DPY19L4: variants seen among roughly 807,000 people sequenced by gnomAD.
The protein encoded by DPY19L4 is probable C-mannosyltransferase DPY19L4.
In DPY19L4, 97 loss-of-function variants were observed where a neutral mutation model predicts 102.8. The ratio of observed to expected loss-of-function variants is 0.94; its 90% CI spans 0.80 to 1.12. DPY19L4 has a LOEUF of 1.12. Among genes scored for constraint, DPY19L4 ranks in the 50% most tolerant of loss-of-function variants. The pLI, the probability that DPY19L4 is intolerant of heterozygous loss-of-function variation, is 0.00. For synonymous variants in DPY19L4, 252 were observed against 283.1 expected (o/e 0.89, Z 1.10); for missense variants, 815 against 850.4 (o/e 0.96, Z 0.52).
Position 94,777,742 on chromosome 8 carries a change from C to A in DPY19L4, c.1531C>A (p.Leu511Ile). ...ATGTTCTCCCGAACTTTGGATGACA[C>A]TTTTCAAGTGGCTTCGATTAAGAAC... ...GVCSPELWMT[L>I]FKWLRLRTVH... The change falls in exon 14 of 19, where the codon CTT (leucine) becomes ATT (isoleucine). Residue 511 changes from leucine (L) to isoleucine (I), a missense_variant. Physicochemically the swap from Leu to Ile is conservative, Grantham distance 5 (BLOSUM62 2). Transcript: ENST00000414645. 13 of 1,614,022 alleles carry A rather than the reference C, an allele frequency of 8.1e-6. No individual in the cohort carries two copies. Among genetic ancestry groups the A allele is most frequent in the African/African-American group, 1.3e-5 (1 of 75,002 alleles).
At chr8:94,729,112 TG>T (rs1810819429) in intron 2 of DPY19L4, among the ~76,000 whole-genome samples, 1 of 151,918 alleles carries the variant, frequency 6.6e-6, no homozygotes, top group Non-Finnish European at 1.5e-5. Flanking sequence ...GGCTTAAGCC[TG>T]TAATCCCAGC....
At chr8:94,751,118 CT>C (rs34341427) in intron 6 of DPY19L4, among the ~76,000 whole-genome samples, 20 of 116,948 alleles carry the variant, frequency 1.7e-4, no homozygotes, top group Non-Finnish European at 2.4e-4. Flanking sequence ...TCTTTTCTTT[CT>C]TTTCTTTTTT....
chr8:94,774,039 TA>T (rs79751438), intron 13 of DPY19L4, among the ~76,000 whole-genome samples: 23,404 of 102,776 alleles, frequency 0.23, 2,609 homozygotes, highest in African/African-American at 0.28. Flanking sequence ...TGTCTTTAGT[TA>T]AAAAAAAAAA....
chr8:94,789,619 G>C (rs1341736183), intron 18 of DPY19L4, 127 bp from the exon 19 acceptor site: 1 of 813,734 alleles, frequency 1.2e-6, no homozygotes, highest in Non-Finnish European at 1.8e-6. Flanking sequence ...CTAACAGTGA[G>C]ATGTTTTATA....
intron 11 of DPY19L4, 152 bp from the exon 12 acceptor site, chr8:94,768,243 T>C: frequency 1.8e-6 from 1 of 568,120 alleles, no homozygotes. Flanking sequence ...GATACTATTA[T>C]CTTCATTTAT....
chr8:94,776,983 T>C (rs1813214814), intron 13 of DPY19L4, among the ~76,000 whole-genome samples: 1 of 149,878 alleles, frequency 6.7e-6, no homozygotes, highest in Admixed American at 6.7e-5. Flanking sequence ...AAAAAAACCC[T>C]TGTATGTCTA....
chr8:94,726,441 C>T lies in DPY19L4; in HGVS notation c.127C>T (p.His43Tyr), dbSNP rs1302970588. The part of the protein sequence containing the change: ...DIPIPERAPK[H>Y]VLFQRFAKIF... Reference sequence around the variant, plus strand: ...TCCAATTCCTGAAAGAGCTCCAAAACGTAAGTTAGATAGACTTGGAATTTG... The same window carrying T: ...TCCAATTCCTGAAAGAGCTCCAAAATGTAAGTTAGATAGACTTGGAATTTG... Residue 43 changes from histidine (H) to tyrosine (Y), a missense_variant and splice_region_variant, in exon 2 of 19, where the codon CAT becomes TAT. His to Tyr is a moderately conservative substitution (Grantham distance 83, BLOSUM62 2). Coordinates refer to ENST00000414645, the MANE Select transcript of DPY19L4 (RefSeq NM_181787.3). The T allele has an allele frequency of 6.9e-6, 11 of 1,602,004 alleles. No individual in the cohort carries two copies. The highest frequency in any genetic ancestry group is 8.5e-6 in the Non-Finnish European group (10 of 1,176,182).
rs1383816500 is a variant in DPY19L4 at position 94,792,473 on chromosome 8, C to G, written c.*2563C>G. 6 of 151,686 alleles carry G rather than the reference C, an allele frequency of 4.0e-5. No individual in the cohort carries two copies. Among genetic ancestry groups the G allele is most frequent in the Non-Finnish European group, 8.8e-5 (6 of 67,898 alleles). The allele number at this position is 151,686 out of a possible 1,614,324, so 9.4% of individuals were successfully genotyped here. On this transcript the variant is annotated 3_prime_UTR_variant, in exon 19 of 19. Coordinates refer to ENST00000414645, the MANE Select transcript of DPY19L4 (RefSeq NM_181787.3). ...ATGTTGGCCAGGCTGGTCTCGAACT[C>G]CTGACCTCAGATGATCCACTCACCC...
intron 7 of DPY19L4, among the ~76,000 whole-genome samples, chr8:94,760,242 C>A (rs1476454310): frequency 6.6e-6 from 1 of 152,220 alleles, no homozygotes; most frequent in Non-Finnish European, 1.5e-5. Context: ...CCCAGAATCT[C>A]AGAAGCAATC....
intron 2 of DPY19L4, among the ~76,000 whole-genome samples, chr8:94,732,161 A>G (rs1810987880): frequency 6.6e-6 from 1 of 152,218 alleles, no homozygotes; most frequent in African/African-American, 2.4e-5. Flanking sequence ...CACAACTGCA[A>G]CATGCTATGC....
intron 2 of DPY19L4, among the ~76,000 whole-genome samples, chr8:94,732,007 G>C (rs1368258422): frequency 1.3e-5 from 2 of 152,090 alleles, no homozygotes; most frequent in Non-Finnish European, 2.9e-5. Context: ...TCCTGATCTC[G>C]TGATCCGCCT....
In DPY19L4 at chr8:94,791,185, C is replaced by T. The variant is rs1321628549; in HGVS notation, c.*1275C>T. On this transcript the variant is annotated 3_prime_UTR_variant, in exon 19 of 19. Transcript: ENST00000414645. ...ACTTGTTAAAGTGCTGCAAAAATTG[C>T]ATTTTCAGTACTCTAAATTACTACA... 6.6e-6 allele frequency: 1 copy of T among 152,100 alleles called. No homozygotes were observed. The highest frequency in any genetic ancestry group is 1.5e-5 in the Non-Finnish European group (1 of 67,966). 9.4% of individuals were successfully genotyped at this position (152,100 alleles called of 1,614,324 possible). A position where few individuals can be genotyped will look rare whatever the true frequency, so the allele number is the denominator to read the frequency against.
chr8:94,729,909 G>T lies in DPY19L4; in HGVS notation c.127+3468G>T, dbSNP rs749658197. Among the ~76,000 whole-genome samples, 7 of 151,618 alleles carry T rather than the reference G, an allele frequency of 4.6e-5. No homozygotes were observed. In the East Asian group the frequency reaches 1.3e-3, roughly 29 times the overall value. ...GAAAATTAAATAGTCTAGAAATATC[G>T]ATTACAAAATAGTATTTCCTCCCCA... On this transcript the variant is annotated intron_variant, in intron 2 of 18. Transcript: ENST00000414645.
chr8:94,785,060 T>C (rs932527707), intron 17 of DPY19L4, among the ~76,000 whole-genome samples: 2 of 152,194 alleles, frequency 1.3e-5, no homozygotes, highest in African/African-American at 4.8e-5. Context: ...AATACAGTAA[T>C]ATAGAGATTA....
chr8:94,723,646 A>C (rs1488732749), intron 1 of DPY19L4, among the ~76,000 whole-genome samples: 2 of 152,142 alleles, frequency 1.3e-5, no homozygotes, highest in Non-Finnish European at 2.9e-5. Flanking sequence ...TTTAGGGATA[A>C]GGTTGAAGAG....
At chr8:94,722,806 T>A (rs1810525131) in intron 1 of DPY19L4, among the ~76,000 whole-genome samples, 1 of 152,218 alleles carries the variant, frequency 6.6e-6, no homozygotes, top group African/African-American at 2.4e-5. Context: ...CCAGGTGTTC[T>A]CCGCGTCCCA....
At position 94,790,044 on chromosome 8, in the gene DPY19L4, T is replaced by C; in HGVS notation, c.*134T>C. On this transcript the variant is annotated 3_prime_UTR_variant, in exon 19 of 19. Transcript: ENST00000414645. Reference sequence around the variant, plus strand: ...CTTCTTTCCCCCTTCTGCTGTTAACTGGATCCAGAGTTCTGTGGGAAATAG... The same window carrying C: ...CTTCTTTCCCCCTTCTGCTGTTAACCGGATCCAGAGTTCTGTGGGAAATAG... 1.2e-6 allele frequency: 1 copy of C among 828,296 alleles called. No homozygotes were observed. Among genetic ancestry groups the C allele is most frequent in the Non-Finnish European group, 1.9e-6 (1 of 540,022 alleles). 51.3% of individuals were successfully genotyped at this position (828,296 alleles called of 1,614,324 possible).
At chr8:94,738,514 TTC>T in intron 4 of DPY19L4, 55 bp downstream of exon 4, 2 of 1,179,364 alleles carry the variant, frequency 1.7e-6, no homozygotes, top group South Asian at 1.6e-5. Context: ...TTCTTTTCTT[TTC>T]TTTTTTTTTT....
At chr8:94,737,740 G>A (rs1019733666) in intron 3 of DPY19L4, among the ~76,000 whole-genome samples, 5 of 151,638 alleles carry the variant, frequency 3.3e-5, no homozygotes, top group Non-Finnish European at 5.9e-5. Context: ...CAGAGATGGC[G>A]CCACTGCACT....
Sources: allele counts gnomAD v4.1 joint callset (sites outside exome capture counted in the v4.1 genomes callset), GRCh38; gene constraint gnomAD v4.1.1; transcripts MANE v1.5; gene names NCBI Gene and HGNC (gene_info 2026-07-23, HGNC 2026-07-21).